The following KDM6A variants were observed in gnomAD, a reference collection of about 807,000 sequenced individuals.
The protein encoded by KDM6A is lysine-specific demethylase 6A.
A neutral mutation model predicts 117.6 loss-of-function variants in KDM6A; 11 were observed. The observed-to-expected ratio is 0.09, with a 90% CI of 0.06 to 0.15. The LOEUF (loss-of-function observed/expected upper bound fraction) is 0.15. KDM6A is among the 10% of genes least tolerant of loss of function. KDM6A has a pLI of 1.00. For synonymous variants in KDM6A, 384 were observed against 396.1 expected (o/e 0.97, Z 0.36); for missense variants, 799 against 1,077.3 (o/e 0.74, Z 3.62).
chrX:44,951,797 C>G (rs2038023617), intron 2 of KDM6A, among the ~76,000 whole-genome samples: 1 of 111,559 alleles, frequency 9.0e-6, no homozygotes, highest in Non-Finnish European at 1.9e-5. Context: ...AACTACCTTA[C>G]TGCTCAGAGG....
intron 4 of KDM6A, among the ~76,000 whole-genome samples, chrX:45,008,121 G>A (rs1022441574): frequency 5.4e-5 from 6 of 111,483 alleles, no homozygotes; most frequent in African/African-American, 6.5e-5. Flanking sequence ...TTATAGGGTG[G>A]TGGGGATTGA....
In KDM6A at chrX:45,063,482, G is replaced by A. The variant is rs2147990953; in HGVS notation, c.1744G>A (p.Asp582Asn). The change falls in exon 17 of 30, where the codon GAC becomes AAC. Residue 582 changes from aspartate to asparagine, a missense_variant. Physicochemically the swap from Asp to Asn is conservative, Grantham distance 23. Around this residue, in one of 8 missense-constraint regions of KDM6A, gnomAD observed 301 missense variants for 318.3 expected, o/e 0.95. Transcript: ENST00000611820. Reference protein sequence around the residue: ...STGIPNGPTADSSLPTNSVSG... With the variant: ...STGIPNGPTANSSLPTNSVSG... ...TGGAATTCCTAATGGGCCAACAGCT[G>A]ACTCATCACTGCCTACAAACTCAGT... The A allele has an allele frequency of 8.3e-7, 1 of 1,209,775 alleles. No homozygotes were observed. Among genetic ancestry groups the A allele is most frequent in the South Asian group, 1.8e-5 (1 of 56,951 alleles).
chrX:44,958,374 C>G (rs2038464596), intron 2 of KDM6A, among the ~76,000 whole-genome samples: 1 of 108,883 alleles, frequency 9.2e-6, no homozygotes, highest in Non-Finnish European at 1.9e-5. Context: ...AGTAGAGACA[C>G]AGTTTCACTG....
rs1402585987 is a variant in KDM6A, at chrX:45,037,672, C to G, written c.637C>G (p.His213Asp). ...SNAEIQFHIA[H>D]LYETQRKYHS... is the part of the protein sequence containing the mutation. ...CTTTGCAGTTCAATTTCACATTGCC[C>G]ACTTATATGAAACCCAGGTAAGTAT... The change falls in exon 8 of 30, where the codon CAC (histidine) becomes GAC (aspartate). Residue 213 changes from histidine to aspartate, a missense_variant. By Grantham distance (81) the His-to-Asp change is moderately conservative. This residue lies in a region of KDM6A where 63 missense variants were observed against 68.2 expected (regional missense o/e 0.92). Transcript: ENST00000611820. 1 of 1,202,703 alleles carries G rather than the reference C, an allele frequency of 8.3e-7. No individual in the cohort carries two copies.
chrX:44,911,323 G>A (rs1351458765), intron 2 of KDM6A, among the ~76,000 whole-genome samples: 23 of 107,746 alleles, frequency 2.1e-4, no homozygotes, highest in Non-Finnish European at 3.5e-4. Context: ...GGCGGCTGCC[G>A]GGCGGAGGGA....
At chrX:44,987,651 T>A (rs1443468860) in intron 4 of KDM6A, among the ~76,000 whole-genome samples, 1 of 111,634 alleles carries the variant, frequency 9.0e-6, no homozygotes, top group Non-Finnish European at 1.9e-5. Flanking sequence ...GTATTTTATT[T>A]CTCCTTCACT....
intron 10 of KDM6A, among the ~76,000 whole-genome samples, chrX:45,056,470 G>A (rs1275526443): frequency 8.9e-6 from 1 of 112,035 alleles, no homozygotes; most frequent in Non-Finnish European, 1.9e-5. Flanking sequence ...AAGTAAAATT[G>A]TAATGTGATA....
At chrX:44,988,335 C>G (rs964130987) in intron 4 of KDM6A, among the ~76,000 whole-genome samples, 1 of 110,507 alleles carries the variant, frequency 9.0e-6, no homozygotes, top group Non-Finnish European at 1.9e-5. Context: ...AGGTTTTTAA[C>G]TTCTTTGCCA....
At chrX:44,926,057 TTCCC>T (rs757471265) in intron 2 of KDM6A, among the ~76,000 whole-genome samples, 2 of 108,318 alleles carry the variant, frequency 1.8e-5, no homozygotes, top group South Asian at 4.3e-4. Context: ...TTAAGGATCT[TTCCC>T]TCCCTCCCTC....
At chrX:44,932,084 CTTTTTTTTTTTTT>C (rs796121677) in intron 2 of KDM6A, among the ~76,000 whole-genome samples, 6 of 17,089 alleles carry the variant, frequency 3.5e-4, no homozygotes, top group South Asian at 6.1e-3. Flanking sequence ...TCTAGGTAGC[CTTTTTTTTTTTTT>C]TTTTTTTTTT....
chrX:44,992,023 T>C (rs1049220389), intron 4 of KDM6A, among the ~76,000 whole-genome samples: 2 of 109,895 alleles, frequency 1.8e-5, no homozygotes. Flanking sequence ...TCAGGGCTTA[T>C]AAAAAAATAT....
intron 4 of KDM6A, among the ~76,000 whole-genome samples, chrX:44,983,055 T>G (rs943639468): frequency 3.6e-5 from 4 of 112,304 alleles, no homozygotes; most frequent in Non-Finnish European, 5.6e-5. Context: ...CTAACTTTTT[T>G]GCTTAGAAGA....
chrX:44,978,325 T>C (rs1388357852), intron 4 of KDM6A, among the ~76,000 whole-genome samples: 1 of 112,664 alleles, frequency 8.9e-6, no homozygotes, highest in East Asian at 2.8e-4. Flanking sequence ...CTCTGCTGAT[T>C]TGAGATGTTG....
At chrX:45,072,865 TAA>T (rs1029589062) in intron 18 of KDM6A, among the ~76,000 whole-genome samples, 2 of 103,714 alleles carry the variant, frequency 1.9e-5, no homozygotes, top group Non-Finnish European at 3.8e-5. Flanking sequence ...AAAAATATAA[TAA>T]TATATATATA....
chrX:44,978,416 G>A (rs2039721332), intron 4 of KDM6A, among the ~76,000 whole-genome samples: 1 of 112,093 alleles, frequency 8.9e-6, no homozygotes, highest in African/African-American at 3.2e-5. Flanking sequence ...TAATACAAAA[G>A]TATTTTACTA....
chrX:44,967,436 A>G (rs1431303876), intron 3 of KDM6A, among the ~76,000 whole-genome samples: 1 of 111,789 alleles, frequency 8.9e-6, no homozygotes, highest in Non-Finnish European at 1.9e-5. Context: ...TAAACCATGT[A>G]GTAAATGTGT....
intron 4 of KDM6A, among the ~76,000 whole-genome samples, chrX:44,997,601 AG>A (rs1025080638): frequency 3.6e-5 from 4 of 111,302 alleles, no homozygotes; most frequent in Non-Finnish European, 7.6e-5. Flanking sequence ...CTTAGGTCTG[AG>A]GGGGTAGAGC....
intron 2 of KDM6A, among the ~76,000 whole-genome samples, chrX:44,918,874 T>C (rs2035721974): frequency 8.9e-6 from 1 of 111,808 alleles, no homozygotes; most frequent in Non-Finnish European, 1.9e-5. Flanking sequence ...ATTTTTCATG[T>C]TTACAAGTTT....
chrX:44,983,530 A>G (rs2147321570), intron 4 of KDM6A, among the ~76,000 whole-genome samples: 1 of 109,035 alleles, frequency 9.2e-6, no homozygotes, highest in Non-Finnish European at 1.9e-5. Context: ...GTCATTTAAC[A>G]TTAGGTATAT....
Sources: gnomAD v4.1 joint callset for allele counts (sites outside exome capture counted in the v4.1 genomes callset) on GRCh38, gnomAD v4.1.1 for gene constraint, gnomAD v4.1.1 regional missense constraint, MANE v1.5 for transcripts, NCBI Gene and HGNC (gene_info 2026-07-23, HGNC 2026-07-21) for gene names.